The following RGS6 variants were observed in gnomAD, a reference collection of about 807,000 sequenced individuals.
RGS6 encodes the protein regulator of G protein signaling 6.
Under a neutral mutation model 78.5 loss-of-function variants are expected in RGS6, and 30 were observed. That is an observed-to-expected ratio of 0.38 (90% CI 0.29 to 0.52). RGS6 has a LOEUF of 0.52. Among genes scored for constraint, RGS6 ranks in the 20% least tolerant of loss-of-function variants. The pLI is 0.85. For missense variants in RGS6, 495 were observed against 609.7 expected (o/e 0.81, Z 1.98); for synonymous variants, 206 against 206.0 (o/e 1.00, Z 0.00).
intron 2 of RGS6, among the ~76,000 whole-genome samples, chr14:72,145,603 C>A (rs1354068666): frequency 6.6e-6 from 1 of 152,160 alleles, no homozygotes; most frequent in African/African-American, 2.4e-5. Context: ...CTCAGCCTCC[C>A]AAGTAGGTAG....
intron 7 of RGS6, among the ~76,000 whole-genome samples, chr14:72,468,699 TACCATGTCAGTA>T (rs1356097073): frequency 1.3e-5 from 2 of 152,212 alleles, no homozygotes; most frequent in African/African-American, 4.8e-5. Flanking sequence ...TCGGGGTCTT[TACCATGTCAGTA>T]ACTATAATCT....
At chr14:71,942,180 A>G (rs2090707308) in intron 1 of RGS6, among the ~76,000 whole-genome samples, 1 of 152,224 alleles carries the variant, frequency 6.6e-6, no homozygotes, top group Non-Finnish European at 1.5e-5. Flanking sequence ...CAAAGAAAGC[A>G]AAAATGCTTA....
chr14:72,279,040 G>C (rs1216852296), intron 2 of RGS6, among the ~76,000 whole-genome samples: 2 of 151,930 alleles, frequency 1.3e-5, no homozygotes, highest in Admixed American at 6.6e-5. Context: ...CCTTATCATC[G>C]CTTAACCTTA....
At chr14:72,267,633 C>T (rs962432391) in intron 2 of RGS6, among the ~76,000 whole-genome samples, 11 of 152,110 alleles carry the variant, frequency 7.2e-5, no homozygotes, top group East Asian at 1.9e-4. Context: ...GGGAGAGAGA[C>T]GAAAACCATT....
chr14:71,980,037 A>C (rs2153113591), intron 2 of RGS6, among the ~76,000 whole-genome samples: 1 of 137,640 alleles, frequency 7.3e-6, no homozygotes, highest in African/African-American at 2.8e-5. Context: ...GTCTCTTTTG[A>C]TCTTTGTTGG....
chr14:72,430,980 C>T (rs1219465587), intron 3 of RGS6, among the ~76,000 whole-genome samples: 1 of 152,178 alleles, frequency 6.6e-6, no homozygotes, highest in Non-Finnish European at 1.5e-5. Flanking sequence ...TGCTGGCTAT[C>T]GATTTCCATC....
chr14:72,398,027 C>T (rs1454912168), intron 3 of RGS6, among the ~76,000 whole-genome samples: 2 of 152,056 alleles, frequency 1.3e-5, no homozygotes, highest in African/African-American at 2.4e-5. Context: ...TATGTGGTGT[C>T]TCTGCCAGGC....
chr14:71,999,917 A>G (rs893802220), intron 2 of RGS6, among the ~76,000 whole-genome samples: 7 of 150,730 alleles, frequency 4.6e-5, no homozygotes, highest in Admixed American at 4.6e-4. Context: ...TTATAGCAGT[A>G]TGAGAACTAA....
chr14:72,198,333 C>T (rs1476611071), intron 2 of RGS6, among the ~76,000 whole-genome samples: 1 of 152,228 alleles, frequency 6.6e-6, no homozygotes, highest in Non-Finnish European at 1.5e-5. Flanking sequence ...AGCCTGGCGA[C>T]AGAGCAAAAC....
intron 3 of RGS6, among the ~76,000 whole-genome samples, chr14:72,395,194 CAA>C (rs1453177242): frequency 1.3e-5 from 2 of 152,090 alleles, no homozygotes; most frequent in South Asian, 2.1e-4. Flanking sequence ...TTAAAGGACT[CAA>C]GAGTTGCAGA....
intron 2 of RGS6, among the ~76,000 whole-genome samples, chr14:71,982,380 C>T (rs1212348711): frequency 6.6e-6 from 1 of 152,180 alleles, no homozygotes; most frequent in African/African-American, 2.4e-5. Context: ...ATTTACGGCT[C>T]TAGGACAATG....
chr14:72,261,757 T>C (rs1170065557), intron 2 of RGS6, among the ~76,000 whole-genome samples: 1 of 152,192 alleles, frequency 6.6e-6, no homozygotes, highest in Non-Finnish European at 1.5e-5. Flanking sequence ...TGGTGCTTCT[T>C]GTTCAAAATT....
chr14:71,987,197 G>A (rs1005396080), intron 2 of RGS6, among the ~76,000 whole-genome samples: 5 of 152,278 alleles, frequency 3.3e-5, no homozygotes, highest in South Asian at 2.1e-4. Flanking sequence ...GAGGAGGTAC[G>A]CTGAAGTTTT....
chr14:72,236,796 G>C (rs1038664189), intron 2 of RGS6, among the ~76,000 whole-genome samples: 1 of 152,118 alleles, frequency 6.6e-6, no homozygotes, highest in African/African-American at 2.4e-5. Flanking sequence ...CCAGATGGCA[G>C]GGGGCGCTGA....
At chr14:72,607,550 A>T in the RGS6 span, among the ~76,000 whole-genome samples, 12 of 152,244 alleles carry the variant, frequency 7.9e-5, no homozygotes, top group African/African-American at 2.9e-4. Context: ...TTTGGGGGAC[A>T]TACCATTCAT....
chr14:72,000,848 G>T (rs1222781940), intron 2 of RGS6, among the ~76,000 whole-genome samples: 2 of 152,136 alleles, frequency 1.3e-5, no homozygotes, highest in East Asian at 3.9e-4. Context: ...TTCTCTTGAG[G>T]AGTTTCATAT....
intron 3 of RGS6, among the ~76,000 whole-genome samples, chr14:72,412,991 T>A (rs1468796432): frequency 2.0e-5 from 3 of 152,224 alleles, no homozygotes; most frequent in African/African-American, 7.2e-5. Flanking sequence ...CTTCCAACTA[T>A]GTGGTCAATT....
At chr14:72,069,215 C>T (rs892967134) in intron 2 of RGS6, among the ~76,000 whole-genome samples, 10 of 151,110 alleles carry the variant, frequency 6.6e-5, no homozygotes, top group Non-Finnish European at 1.0e-4. Flanking sequence ...TCAAATGATC[C>T]ACCTGCCTCA....
the RGS6 span, among the ~76,000 whole-genome samples, chr14:72,586,184 T>C: frequency 5.9e-5 from 9 of 152,308 alleles, no homozygotes; most frequent in Non-Finnish European, 1.2e-4. Context: ...CTGATTGCTA[T>C]GGCTTGGATA....
Sources: allele counts gnomAD v4.1 joint callset (sites outside exome capture counted in the v4.1 genomes callset), GRCh38; gene constraint gnomAD v4.1.1; transcripts MANE v1.5; gene names NCBI Gene and HGNC (gene_info 2026-07-23, HGNC 2026-07-21).